Variants in RPAP2 observed in about 807,000 individuals in gnomAD.
RPAP2 encodes the protein RNA polymerase II associated protein 2.
Under a neutral mutation model 73.1 loss-of-function variants are expected in RPAP2, and 52 were observed. The observed-to-expected ratio is 0.71, with a 90% CI of 0.57 to 0.90. RPAP2 has a LOEUF of 0.90. Ranked by LOEUF, RPAP2 falls within the 40% of genes least tolerant of loss-of-function variation. The pLI is 0.00. For missense variants in RPAP2, 598 were observed against 701.8 expected, an observed-to-expected ratio of 0.85 and a Z score of 1.67; for synonymous variants, 225 against 242.1, an observed-to-expected ratio of 0.93 and a Z score of 0.65.
At chr1:92,299,886 G>A (rs1256400786) in intron 1 of RPAP2, among the ~76,000 whole-genome samples, 2 of 152,172 alleles carry the variant, frequency 1.3e-5, no homozygotes, top group Non-Finnish European at 2.9e-5. Context: ...GCTTAACTGC[G>A]GGGATGCATT....
chr1:92,365,270 G>T (rs961488914), intron 11 of RPAP2, among the ~76,000 whole-genome samples: 2 of 152,098 alleles, frequency 1.3e-5, no homozygotes, highest in African/African-American at 2.4e-5. Context: ...TCTTCCAAAA[G>T]TGTAGTTAAC....
chr1:92,323,919 T>C lies in RPAP2; in HGVS notation c.999T>C (p.Ser333=), dbSNP rs2101181107. 6.2e-7 allele frequency: 1 copy of C among 1,614,186 alleles called. No individual in the cohort carries two copies. The highest frequency in any genetic ancestry group is 8.5e-7 in the Non-Finnish European group (1 of 1,180,000). Residue 333 remains serine, a synonymous_variant, in exon 8 of 13, where the codon AGT becomes AGC. Transcript: ENST00000610020. ...EITLVGISKK[S]AEHFKRKFAK... is the part of the protein sequence containing the mutation. Reference sequence around the variant, plus strand: ...CTCTAGTAGGCATAAGTAAGAAAAGTGCAGAGCATTTTAAGAGAAAATTTG... The same window carrying C: ...CTCTAGTAGGCATAAGTAAGAAAAGCGCAGAGCATTTTAAGAGAAAATTTG...
At chr1:92,311,047 A>G (rs1041559479) in intron 6 of RPAP2, among the ~76,000 whole-genome samples, 31 of 152,218 alleles carry the variant, frequency 2.0e-4, no homozygotes, top group African/African-American at 6.0e-4. Context: ...TTCTTACTAC[A>G]TGAAATGCCT....
At chr1:92,368,391 AAAT>A (rs1478882447) in intron 11 of RPAP2, among the ~76,000 whole-genome samples, 2 of 152,112 alleles carry the variant, frequency 1.3e-5, no homozygotes, top group East Asian at 3.9e-4. Flanking sequence ...AAAAAGAAAA[AAAT>A]CCAAGTTCGT....
At chr1:92,320,373 A>G (rs28672136) in intron 6 of RPAP2, among the ~76,000 whole-genome samples, 1 of 152,056 alleles carries the variant, frequency 6.6e-6, no homozygotes, top group Non-Finnish European at 1.5e-5. Flanking sequence ...CCCTGGTTCA[A>G]GCGATTCTCC....
intron 12 of RPAP2, among the ~76,000 whole-genome samples, chr1:92,383,742 T>C (rs940937400): frequency 1.0e-4 from 15 of 147,252 alleles, no homozygotes; most frequent in Non-Finnish European, 8.8e-5. Flanking sequence ...CTTTTCCTAA[T>C]TGATACCCTG....
chr1:92,353,691 G>A (rs929193798), intron 11 of RPAP2, among the ~76,000 whole-genome samples: 1 of 152,014 alleles, frequency 6.6e-6, no homozygotes, highest in Non-Finnish European at 1.5e-5. Flanking sequence ...TATCACCTTT[G>A]TCATTGTGAA....
At chr1:92,351,351 TA>T (rs1654208210) in intron 11 of RPAP2, among the ~76,000 whole-genome samples, 1 of 148,588 alleles carries the variant, frequency 6.7e-6, no homozygotes, top group Admixed American at 6.7e-5. Context: ...ATGAATTGCA[TA>T]AAATTATATT....
At chr1:92,330,330 TTCCC>T (rs1300367543) in intron 8 of RPAP2, among the ~76,000 whole-genome samples, 1 of 152,214 alleles carries the variant, frequency 6.6e-6, no homozygotes, top group Admixed American at 6.5e-5. Context: ...TTGGGAAATG[TTCCC>T]TCCATTTCTG....
chr1:92,300,277 ACTTAT>A, intron 2 of RPAP2, 38 bp downstream of exon 2: 2 of 1,509,362 alleles, frequency 1.3e-6, no homozygotes, highest in Non-Finnish European at 1.8e-6. Context: ...TGGCATATCT[ACTTAT>A]CTTGTATTAC....
rs1176868461 is a variant in RPAP2, at chr1:92,345,918, A to C, written c.1688+4A>C. 6.3e-7 allele frequency: 1 copy of C among 1,586,410 alleles called. No homozygotes were observed. Among genetic ancestry groups the C allele is most frequent in the Non-Finnish European group, 8.6e-7 (1 of 1,156,772 alleles). On this transcript the variant is annotated splice_donor_region_variant and intron_variant, in intron 11 of 12. Coordinates refer to ENST00000610020, the MANE Select transcript of RPAP2 (RefSeq NM_024813.3). ...TTGCTATGGTGTTGCTGTCATTGTAAGTACTCTCTCAGATTTTAACTCTAA... is the reference window on the plus strand; with the variant it reads ...TTGCTATGGTGTTGCTGTCATTGTACGTACTCTCTCAGATTTTAACTCTAA...
At chr1:92,374,514 C>T (rs1024041758) in intron 11 of RPAP2, among the ~76,000 whole-genome samples, 3 of 152,170 alleles carry the variant, frequency 2.0e-5, no homozygotes, top group Admixed American at 6.5e-5. Context: ...TGGACCTCTA[C>T]ATCAGATAGG....
chr1:92,306,800 T>TA (rs1651269265), intron 5 of RPAP2, among the ~76,000 whole-genome samples: 1 of 151,816 alleles, frequency 6.6e-6, no homozygotes, highest in South Asian at 2.1e-4. Context: ...ACCCTGTCCC[T>TA]AAAAAAAATA....
At chr1:92,307,694 T>G (rs1651331060) in intron 6 of RPAP2, among the ~76,000 whole-genome samples, 1 of 150,478 alleles carries the variant, frequency 6.6e-6, no homozygotes, top group African/African-American at 2.5e-5. Context: ...CAGTACACTA[T>G]TTTATCAATT....
chr1:92,348,391 T>C (rs1039947069), intron 11 of RPAP2, among the ~76,000 whole-genome samples: 1 of 152,236 alleles, frequency 6.6e-6, no homozygotes, highest in African/African-American at 2.4e-5. Context: ...TTGGTCACTA[T>C]AGACACCAAG....
Position 92,331,840 on chromosome 1 carries a change from TCA to T in RPAP2, c.1456-1550_1456-1549del, listed in dbSNP as rs556256824. On this transcript the variant is annotated intron_variant, in intron 8 of 12. Coordinates refer to ENST00000610020, the MANE Select transcript of RPAP2 (RefSeq NM_024813.3). ...TAGTATCAGTTGATAAAGAATTTTC[TCA>T]GTTTTTCTTTGTCAGAAAATTATTT... is the stretch of plus-strand genomic sequence containing the variant. Among the ~76,000 whole-genome samples, 294 of 152,276 alleles carry T rather than the reference TCA, an allele frequency of 1.9e-3. 3 individuals carry two copies. Among genetic ancestry groups the T allele is most frequent in the Admixed American group, 0.016 (247 of 15,296 alleles).
intron 6 of RPAP2, among the ~76,000 whole-genome samples, chr1:92,313,580 C>G: frequency 6.6e-6 from 1 of 150,420 alleles, no homozygotes; most frequent in East Asian, 2.0e-4. Context: ...TAGCATAATT[C>G]TTAGGGGCCC....
rs1353870759 is a variant in RPAP2 at position 92,393,531 on chromosome 1, G to C, written c.*6520G>C. The C allele has an allele frequency of 1.3e-5, 2 of 152,194 alleles. No homozygotes were observed. Among genetic ancestry groups the C allele is most frequent in the Non-Finnish European group, 2.9e-5 (2 of 68,034 alleles). The allele number at this position is 152,194 out of a possible 1,614,324, so 9.4% of individuals were successfully genotyped here. A position where few individuals can be genotyped will look rare whatever the true frequency, so the allele number is the denominator to read the frequency against. On this transcript the variant is annotated 3_prime_UTR_variant, in exon 13 of 13. Coordinates refer to ENST00000610020, the MANE Select transcript of RPAP2 (RefSeq NM_024813.3). The stretch of plus-strand genomic sequence containing the variant: ...CAGCAAAATAAACTATCATCAGAGT[G>C]AACAGGCAACCTACAGAATGGGAGA...
At chr1:92,342,633 A>G (rs1224946370) in intron 10 of RPAP2, among the ~76,000 whole-genome samples, 2 of 152,224 alleles carry the variant, frequency 1.3e-5, no homozygotes, top group Non-Finnish European at 2.9e-5. Context: ...AGAAATAGCC[A>G]GGACTATTTT....
Sources: allele counts gnomAD v4.1 joint callset (sites outside exome capture counted in the v4.1 genomes callset), GRCh38; gene constraint gnomAD v4.1.1; transcripts MANE v1.5; gene names NCBI Gene and HGNC (gene_info 2026-07-23, HGNC 2026-07-21).